Variants in NWD1 observed in about 807,000 individuals in gnomAD.
NWD1 encodes NACHT and WD repeat domain containing 1.
Under a neutral mutation model 135.1 loss-of-function variants are expected in NWD1, and 129 were observed. That is an observed-to-expected ratio of 0.96 (90% CI 0.83 to 1.11). NWD1 has a LOEUF of 1.11. Ranked by LOEUF, NWD1 falls within the 50% of genes least tolerant of loss-of-function variation. The pLI is 0.00. For synonymous variants in NWD1, 773 were observed against 786.0 expected (o/e 0.98, Z 0.28); for missense variants, 1,740 against 1,851.3 (o/e 0.94, Z 1.10).
chr19:16,742,146 A>G (rs1454684420), intron 4 of NWD1, among the ~76,000 whole-genome samples: 2 of 151,942 alleles, frequency 1.3e-5, no homozygotes, highest in African/African-American at 4.8e-5. Flanking sequence ...AGGCTGAAGC[A>G]GGCGGATCAC....
chr19:16,788,333 C>T (rs572552623), intron 12 of NWD1, among the ~76,000 whole-genome samples: 58 of 149,480 alleles, frequency 3.9e-4, no homozygotes, highest in African/African-American at 1.3e-3. Context: ...ACTTGGGAGG[C>T]TCAGGTGGGT....
chr19:16,723,932 G>T (rs956575015), intron 1 of NWD1, among the ~76,000 whole-genome samples: 6 of 151,854 alleles, frequency 4.0e-5, no homozygotes, highest in African/African-American at 1.5e-4. Flanking sequence ...CTAACCTCAA[G>T]TGATCGGCCC....
At chr19:16,726,517 G>T (rs1369907693) in intron 2 of NWD1, among the ~76,000 whole-genome samples, 1 of 151,816 alleles carries the variant, frequency 6.6e-6, no homozygotes, top group Non-Finnish European at 1.5e-5. Flanking sequence ...TTAGTTCACT[G>T]CAACCTCCAC....
At chr19:16,813,059 T>G (rs1235670606) in intron 18 of NWD1, among the ~76,000 whole-genome samples, 3 of 152,138 alleles carry the variant, frequency 2.0e-5, no homozygotes, top group Admixed American at 6.6e-5. Context: ...TCCCTTGAGT[T>G]TTCATTAGGG....
At position 16,744,438 on chromosome 19, in the gene NWD1, G is replaced by A; in HGVS notation, c.216G>A (p.Gln72=). Residue 72 remains glutamine, a synonymous_variant, in exon 5 of 19, where the codon CAG becomes CAA. Transcript: ENST00000524140. Reference sequence around the variant, plus strand: ...TCTGCCAGGCCCTCATCGGTGATCAGTACGGCCCCTGTCTGATTCCCTCGC... The same window carrying A: ...TCTGCCAGGCCCTCATCGGTGATCAATACGGCCCCTGTCTGATTCCCTCGC... ...GPAFVALIGD[Q]YGPCLIPSRI... 6.5e-7 allele frequency: 1 copy of A among 1,535,748 alleles called. No individual in the cohort carries two copies. The highest frequency in any genetic ancestry group is 1.4e-5 in the African/African-American group (1 of 73,140).
chr19:16,760,288 C>T (rs1968961796), intron 7 of NWD1, among the ~76,000 whole-genome samples: 1 of 106,108 alleles, frequency 9.4e-6, no homozygotes, highest in African/African-American at 4.0e-5. Flanking sequence ...TATTTTGAGA[C>T]AGGGTCTCGC....
At chr19:16,800,433 CTG>C (rs1205146187) in intron 17 of NWD1, among the ~76,000 whole-genome samples, 1 of 69,542 alleles carries the variant, frequency 1.4e-5, no homozygotes, top group African/African-American at 8.3e-5. Context: ...ACTTGCGAGG[CTG>C]AGGCAGAATT....
chr19:16,765,096 T>G lies in NWD1; in HGVS notation c.2314T>G (p.Phe772Val), dbSNP rs759868052. The change falls in exon 10 of 19, where the codon TTT (phenylalanine) becomes GTT (valine). Residue 772 changes from phenylalanine (F) to valine (V), a missense_variant. By Grantham distance (50) the Phe-to-Val change is conservative (BLOSUM62 -1). Coordinates refer to ENST00000524140, the MANE Select transcript of NWD1 (RefSeq NM_001007525.5). ...SGGIEDLLDD[F>V]DLCAPHLDSP... Reference sequence around the variant, plus strand: ...GGGCATTGAAGACCTGCTGGATGACTTTGACCTGTGTGCCCCTCACCTGGA... The same window carrying G: ...GGGCATTGAAGACCTGCTGGATGACGTTGACCTGTGTGCCCCTCACCTGGA... 6.2e-6 allele frequency: 10 copies of G among 1,613,968 alleles called. No individual in the cohort carries two copies. Among genetic ancestry groups the G allele is most frequent in the Non-Finnish European group, 8.5e-6 (10 of 1,179,968 alleles).
At chr19:16,737,339 C>T (rs1967864177) in intron 4 of NWD1, among the ~76,000 whole-genome samples, 1 of 152,170 alleles carries the variant, frequency 6.6e-6, no homozygotes, top group East Asian at 1.9e-4. Context: ...TCATGGCTCA[C>T]TACAGCCTTG....
rs1158900313 is a variant in NWD1 at position 16,808,044 on chromosome 19, A to C, written c.4195A>C (p.Lys1399Gln). ...SRVACVEVSH[K>Q]EQLVVSGSED... The stretch of plus-strand genomic sequence containing the variant: ...AGTTGCCTGTGTGGAGGTCAGCCAC[A>C]AGGAGCAGCTGGTGGTCAGCGGGTC... Residue 1399 changes from lysine to glutamine, a missense_variant, in exon 18 of 19, where the codon AAG becomes CAG. By Grantham distance (53) the Lys-to-Gln change is moderately conservative (BLOSUM62 1). Transcript: ENST00000524140. The C allele has an allele frequency of 2.5e-6, 4 of 1,614,074 alleles. No individual in the cohort carries two copies. Among genetic ancestry groups the C allele is most frequent in the Non-Finnish European group, 3.4e-6 (4 of 1,179,990 alleles).
chr19:16,744,848 C>G, intron 5 of NWD1, 130 bp downstream of exon 5: 1 of 762,976 alleles, frequency 1.3e-6, no homozygotes, highest in Non-Finnish European at 2.2e-6. Flanking sequence ...AACCTCTGGT[C>G]CCTCGGCTCT....
chr19:16,787,901 A>C (rs376049867), intron 12 of NWD1, among the ~76,000 whole-genome samples: 2,686 of 84,046 alleles, frequency 0.032, 33 homozygotes, highest in Middle Eastern at 0.071. Context: ...TAATAATAAT[A>C]ATAATCATCA....
intron 17 of NWD1, among the ~76,000 whole-genome samples, chr19:16,802,366 A>T (rs943351009): frequency 2.0e-5 from 3 of 151,132 alleles, no homozygotes; most frequent in Non-Finnish European, 4.4e-5. Context: ...AGATGGAGGC[A>T]GGATGATCGC....
rs1215564284 is a variant in NWD1, at chr19:16,731,222, GCACT to G, written c.26_29del (p.Ala9GlyfsTer4). On this transcript the variant is annotated frameshift_variant, in exon 3 of 19. Coordinates refer to ENST00000524140, the MANE Select transcript of NWD1 (RefSeq NM_001007525.5). LOFTEE classifies it high-confidence loss of function. ...GATGCAGAGAGGGAAGCCCTGCAGA[GCACT>G]GCCTACCCTGAAGTGCCAGACCTTC... 114 of 1,534,708 alleles carry G rather than the reference GCACT, an allele frequency of 7.4e-5. No homozygotes were observed. Among genetic ancestry groups the G allele is most frequent in the Non-Finnish European group, 9.9e-5 (113 of 1,145,644 alleles).
intron 10 of NWD1, among the ~76,000 whole-genome samples, chr19:16,765,948 C>T (rs1156377555): frequency 1.6e-4 from 23 of 143,280 alleles, no homozygotes; most frequent in South Asian, 4.5e-4. Flanking sequence ...ACCTGGGAGG[C>T]GGAGGTTACA....
rs373006092 is a variant in NWD1, at chr19:16,789,151, T to C, written c.2901T>C (p.Asp967=). 3 of 1,614,088 alleles carry C rather than the reference T, an allele frequency of 1.9e-6. No homozygotes were observed. The highest frequency in any genetic ancestry group is 2.7e-5 in the African/African-American group (2 of 75,044). Residue 967 remains aspartate (D), a synonymous_variant, in exon 13 of 19, where the codon GAT becomes GAC. Transcript: ENST00000524140. The part of the protein sequence containing the change: ...AEPQIWNLHV[D]EAHKVVYSAS... Reference sequence around the variant, plus strand: ...CTCAGATCTGGAACCTTCATGTGGATGAGGCACACAAAGTTGTGTATTCAG... The same window carrying C: ...CTCAGATCTGGAACCTTCATGTGGACGAGGCACACAAAGTTGTGTATTCAG...
intron 5 of NWD1, among the ~76,000 whole-genome samples, chr19:16,745,396 T>C (rs1968269461): frequency 6.6e-6 from 1 of 151,928 alleles, no homozygotes; most frequent in Admixed American, 6.6e-5. Flanking sequence ...CCAGTTTGCC[T>C]GGGACGGAGG....
intron 4 of NWD1, 114 bp from the exon 5 acceptor site, chr19:16,744,307 G>T (rs999821764): frequency 4.9e-5 from 39 of 802,892 alleles, no homozygotes; most frequent in Non-Finnish European, 7.1e-5. Flanking sequence ...AACCCAGGAG[G>T]TTGAGGCTGC....
chr19:16,791,310 C>A (rs375920280), intron 13 of NWD1, 40 bp from the exon 14 acceptor site: 23 of 1,591,988 alleles, frequency 1.4e-5, no homozygotes, highest in Non-Finnish European at 2.0e-5. Flanking sequence ...TAGTCTAGGT[C>A]TCCTGCCAAG....
Sources: allele counts gnomAD v4.1 joint callset (sites outside exome capture counted in the v4.1 genomes callset), GRCh38; gene constraint gnomAD v4.1.1; transcripts MANE v1.5; gene names NCBI Gene and HGNC (gene_info 2026-07-23, HGNC 2026-07-21).